TSC22D2: variants seen among roughly 807,000 people sequenced by gnomAD.
TSC22D2 encodes the protein TSC22 domain family member 2, also known as TSC22 domain family protein 2.
A neutral mutation model predicts 50.1 loss-of-function variants in TSC22D2; 5 were observed. The ratio of observed to expected loss-of-function variants is 0.10; its 90% CI spans 0.05 to 0.21. TSC22D2 has a LOEUF of 0.21. TSC22D2 is among the 10% of genes least tolerant of loss of function. TSC22D2 has a pLI of 1.00. For missense variants in TSC22D2, 1,003 were observed against 1,015.5 expected (o/e 0.99, Z 0.17); for synonymous variants, 501 against 450.1 (o/e 1.11, Z -1.43).
chr3:150,433,640 G>A (rs1454902435), intron 1 of TSC22D2, among the ~76,000 whole-genome samples: 1 of 152,204 alleles, frequency 6.6e-6, no homozygotes, highest in Non-Finnish European at 1.5e-5. Context: ...TTTATTTGCA[G>A]TAGCTGTTTT....
chr3:150,454,239 G>C (rs1048799201), intron 1 of TSC22D2, among the ~76,000 whole-genome samples: 4 of 152,176 alleles, frequency 2.6e-5, no homozygotes, highest in Non-Finnish European at 5.9e-5. Flanking sequence ...AATTGGAACT[G>C]TGAGCATTTC....
chr3:150,461,347 TCTC>T lies in TSC22D2; in HGVS notation c.*2714_*2716del, dbSNP rs1289000704. 2 of 152,174 alleles carry T rather than the reference TCTC, an allele frequency of 1.3e-5. No individual in the cohort carries two copies. The highest frequency in any genetic ancestry group is 3.8e-4 in the East Asian group (2 of 5,200). 9.4% of individuals were successfully genotyped at this position (152,174 alleles called of 1,614,324 possible). On this transcript the variant is annotated 3_prime_UTR_variant, in exon 3 of 3. Transcript: ENST00000688009. ...TTCCAATTCAGCTTTGGAGATTTAG[TCTC>T]CTGCTCCAAATAGTTGTAAATATTA...
chr3:150,410,729 C>T lies in TSC22D2; in HGVS notation c.1379C>T (p.Ala460Val), dbSNP rs773472911. ...APCQPTGVPP[A>V]TVGGVVQPCL... ...TGTCAGCCGACTGGAGTGCCCCCGG[C>T]TACTGTGGGAGGCGTGGTGCAGCCG... The change falls in exon 1 of 3, where the codon GCT (alanine) becomes GTT (valine). Residue 460 changes from alanine (A) to valine (V), a missense_variant. Ala to Val is a moderately conservative substitution (Grantham distance 64, BLOSUM62 0). Transcript: ENST00000688009. 2 of 1,597,126 alleles carry T rather than the reference C, an allele frequency of 1.3e-6. No individual in the cohort carries two copies. Among genetic ancestry groups the T allele is most frequent in the East Asian group, 2.3e-5 (1 of 43,798 alleles).
intron 1 of TSC22D2, among the ~76,000 whole-genome samples, chr3:150,447,381 G>A (rs1404747289): frequency 6.6e-6 from 1 of 151,912 alleles, no homozygotes; most frequent in African/African-American, 2.4e-5. Context: ...GGTTTGAGTC[G>A]CCTACTGCAT....
intron 1 of TSC22D2, among the ~76,000 whole-genome samples, chr3:150,413,887 TA>T (rs5853477): frequency 0.58 from 88,130 of 151,454 alleles, 26,046 homozygotes; most frequent in Non-Finnish European, 0.64. Flanking sequence ...ATGCTTTTTT[TA>T]AAAAAAAATT....
chr3:150,464,347 AT>A lies in TSC22D2; in HGVS notation c.*5712del, dbSNP rs1721495815. ...GGAAATAATAACAGGTCAGTGGCTAATAAAAAGAAACATGTATGACTTTGTA... is the reference window on the plus strand; with the variant it reads ...GGAAATAATAACAGGTCAGTGGCTAAAAAAAGAAACATGTATGACTTTGTA... On this transcript the variant is annotated 3_prime_UTR_variant, in exon 3 of 3. Coordinates refer to ENST00000688009, the MANE Select transcript of TSC22D2 (RefSeq NM_001303264.2). The A allele has an allele frequency of 6.6e-6, 1 of 152,212 alleles. No individual in the cohort carries two copies. The highest frequency in any genetic ancestry group is 1.5e-5 in the Non-Finnish European group (1 of 68,032). The allele number at this position is 152,212 out of a possible 1,614,324, so 9.4% of individuals were successfully genotyped here. A position where few individuals can be genotyped will look rare whatever the true frequency, so the allele number is the denominator to read the frequency against.
At chr3:150,417,495 T>C (rs1402620492) in intron 1 of TSC22D2, among the ~76,000 whole-genome samples, 2 of 152,112 alleles carry the variant, frequency 1.3e-5, no homozygotes, top group Middle Eastern at 3.2e-3. Flanking sequence ...TGTTAACATA[T>C]GTGAATGACC....
chr3:150,443,507 C>G (rs1720783799), intron 1 of TSC22D2, among the ~76,000 whole-genome samples: 2 of 152,144 alleles, frequency 1.3e-5, no homozygotes, highest in Non-Finnish European at 2.9e-5. Flanking sequence ...CTTATTGATT[C>G]TAGTGATGAT....
Position 150,409,668 on chromosome 3 carries a change from A to C in TSC22D2, c.318A>C (p.Gly106=), listed in dbSNP as rs750547926. The C allele has an allele frequency of 6.1e-5, 98 of 1,598,372 alleles. No individual in the cohort carries two copies. The highest frequency in any genetic ancestry group is 4.8e-4 in the Admixed American group (28 of 58,118). Residue 106 remains glycine (G), a synonymous_variant, in exon 1 of 3, where the codon GGA becomes GGC. Coordinates refer to ENST00000688009, the MANE Select transcript of TSC22D2 (RefSeq NM_001303264.2). This position sits in a 1 kb window ranked among gnomAD's most constrained non-coding sequence, Gnocchi z 7.4. ...AAAAAPANGG[G]VVSARSVSGA... ...CTGCTGCTCCCGCCAACGGAGGAGG[A>C]GTCGTTTCGGCCCGGAGCGTGTCTG...
At chr3:150,423,032 A>AT (rs1435756846) in intron 1 of TSC22D2, 1 of 1,607,674 alleles carries the variant, frequency 6.2e-7, no homozygotes, top group South Asian at 1.1e-5. Flanking sequence ...TTTCCATTTG[A>AT]TTCTCGGATC....
chr3:150,409,274 C>T lies in TSC22D2; in HGVS notation c.-77C>T, dbSNP rs1391839494. On this transcript the variant is annotated 5_prime_UTR_variant, in exon 1 of 3. Coordinates refer to ENST00000688009, the MANE Select transcript of TSC22D2 (RefSeq NM_001303264.2). This position sits in a 1 kb window ranked among gnomAD's most constrained non-coding sequence, Gnocchi z 7.4. ...AGACTCGGACTTTGTCTTTGGGGGC[C>T]CGTGCTCTGCCCTCCCCGGTTTCCG... The T allele has an allele frequency of 6.1e-6, 9 of 1,482,128 alleles. No individual in the cohort carries two copies. The East Asian group carries it at 1.2e-4, about 19-fold the overall frequency. 91.8% of individuals were successfully genotyped at this position (1,482,128 alleles called of 1,614,324 possible).
chr3:150,456,234 C>G (rs528294519), intron 1 of TSC22D2, among the ~76,000 whole-genome samples: 1 of 149,062 alleles, frequency 6.7e-6, no homozygotes, highest in Non-Finnish European at 1.5e-5. Context: ...GTTGCCCAGG[C>G]TGGATTGCAA....
chr3:150,438,616 T>G (rs945267099), intron 1 of TSC22D2, among the ~76,000 whole-genome samples: 1 of 152,294 alleles, frequency 6.6e-6, no homozygotes, highest in Admixed American at 6.5e-5. Context: ...ATTAAAATAT[T>G]GCTATTGCAT....
At chr3:150,446,218 C>T (rs970855176) in intron 1 of TSC22D2, among the ~76,000 whole-genome samples, 8 of 152,126 alleles carry the variant, frequency 5.3e-5, no homozygotes, top group African/African-American at 1.7e-4. Context: ...CTGTCTTACC[C>T]CTCAGAATGT....
At chr3:150,423,186 C>G in intron 1 of TSC22D2, 1 of 1,201,978 alleles carries the variant, frequency 8.3e-7, no homozygotes, top group South Asian at 1.5e-5. Flanking sequence ...TTGCACTGTA[C>G]TGGTTTCTCA....
At chr3:150,422,080 T>C (rs944688978) in intron 1 of TSC22D2, among the ~76,000 whole-genome samples, 2 of 152,198 alleles carry the variant, frequency 1.3e-5, no homozygotes, top group African/African-American at 4.8e-5. Context: ...TTGTCAGAAT[T>C]TAGTTAATGA....
chr3:150,412,370 A>G (rs1010097095), intron 1 of TSC22D2, among the ~76,000 whole-genome samples: 2 of 152,200 alleles, frequency 1.3e-5, no homozygotes, highest in African/African-American at 4.8e-5. Flanking sequence ...GGTGTTTTTA[A>G]AAGATACAAA....
chr3:150,409,244 A>C lies in TSC22D2; in HGVS notation c.-107A>C. 3 of 1,337,128 alleles carry C rather than the reference A, an allele frequency of 2.2e-6. No individual in the cohort carries two copies. The highest frequency in any genetic ancestry group is 3.0e-6 in the Non-Finnish European group (3 of 999,136). 82.8% of individuals were successfully genotyped at this position (1,337,128 alleles called of 1,614,324 possible). ...TTAACAGCGGCGGGCCTCAGACCCC[A>C]GCGCAGACTCGGACTTTGTCTTTGG... On this transcript the variant is annotated 5_prime_UTR_variant, in exon 1 of 3. Coordinates refer to ENST00000688009, the MANE Select transcript of TSC22D2 (RefSeq NM_001303264.2). This position sits in a 1 kb window ranked among gnomAD's most constrained non-coding sequence, Gnocchi z 7.4.
At chr3:150,447,714 C>T (rs1215591960) in intron 1 of TSC22D2, among the ~76,000 whole-genome samples, 1 of 152,052 alleles carries the variant, frequency 6.6e-6, no homozygotes, top group Non-Finnish European at 1.5e-5. Flanking sequence ...AGTCTCTTTT[C>T]CTTATCATCT....
Sources: gnomAD v4.1 joint callset for allele counts (sites outside exome capture counted in the v4.1 genomes callset) on GRCh38, gnomAD v4.1.1 for gene constraint, Gnocchi (gnomAD v3.1) non-coding constraint, MANE v1.5 for transcripts, NCBI Gene and HGNC (gene_info 2026-07-23, HGNC 2026-07-21) for gene names.